SPAG16: variants seen among roughly 807,000 people sequenced by gnomAD.
The protein encoded by SPAG16 is sperm-associated antigen 16 protein.
Under a neutral mutation model 80.4 loss-of-function variants are expected in SPAG16, and 86 were observed. That is an observed-to-expected ratio of 1.07 (90% CI 0.90 to 1.28). SPAG16 has a LOEUF of 1.28. Ranked by LOEUF, SPAG16 falls within the 50% of genes most tolerant of loss-of-function variation. SPAG16 has a pLI of 0.00. For synonymous variants in SPAG16, 294 were observed against 265.9 expected, an observed-to-expected ratio of 1.11 and a Z score of -1.03; for missense variants, 870 against 765.3, an observed-to-expected ratio of 1.14 and a Z score of -1.61.
At chr2:213,749,265 G>C (rs1325526742) in intron 10 of SPAG16, among the ~76,000 whole-genome samples, 1 of 151,642 alleles carries the variant, frequency 6.6e-6, no homozygotes, top group Non-Finnish European at 1.5e-5. Flanking sequence ...ATGTTTAATG[G>C]TCATTTATAT....
intron 10 of SPAG16, among the ~76,000 whole-genome samples, chr2:213,615,407 A>T (rs930687531): frequency 6.6e-6 from 1 of 152,214 alleles, no homozygotes; most frequent in Non-Finnish European, 1.5e-5. Flanking sequence ...CCTGGCCAAG[A>T]TGGTGAGACC....
chr2:213,300,014 A>G (rs1453855578), intron 3 of SPAG16, among the ~76,000 whole-genome samples: 2 of 152,004 alleles, frequency 1.3e-5, no homozygotes, highest in Admixed American at 1.3e-4. Context: ...TTATAAGTGT[A>G]TTTTTGCCAT....
At chr2:213,529,252 T>G (rs552978232) in intron 10 of SPAG16, among the ~76,000 whole-genome samples, 1 of 152,308 alleles carries the variant, frequency 6.6e-6, no homozygotes, top group South Asian at 2.1e-4. Context: ...ATATTGCTCT[T>G]TATTTTAAAA....
chr2:213,842,899 A>G (rs192676259), intron 10 of SPAG16, among the ~76,000 whole-genome samples: 2 of 152,246 alleles, frequency 1.3e-5, no homozygotes, highest in East Asian at 3.9e-4. Context: ...CTGAGTGGCT[A>G]GGCTACAGGC....
intron 9 of SPAG16, among the ~76,000 whole-genome samples, chr2:213,432,977 C>T (rs976941253): frequency 1.3e-5 from 2 of 152,138 alleles, no homozygotes; most frequent in Non-Finnish European, 2.9e-5. Context: ...TATGGTTCAT[C>T]ACACAAACAA....
chr2:213,850,944 T>C (rs1045825083), intron 10 of SPAG16, among the ~76,000 whole-genome samples: 2 of 152,164 alleles, frequency 1.3e-5, no homozygotes, highest in Non-Finnish European at 2.9e-5. Flanking sequence ...ACATTCTTAT[T>C]AGTATATTTA....
intron 10 of SPAG16, among the ~76,000 whole-genome samples, chr2:213,825,701 C>CTTTTTTTTTTTTTTTTTTTTTTTTTT (rs55777958): frequency 1.7e-4 from 19 of 109,794 alleles, no homozygotes; most frequent in African/African-American, 4.6e-4. Context: ...TTCTTTCTTT[C>CTTTTTTTTTTTTTTTTTTTTTTTTTT]TTTTTTTTTT....
At position 214,333,561 on chromosome 2, in the gene SPAG16, C is replaced by G. The variant is rs141982386; in HGVS notation, c.1721-76579C>G. Among the ~76,000 whole-genome samples, 1,056 of 152,332 alleles carry G rather than the reference C, an allele frequency of 6.9e-3. 11 individuals are homozygous for G. Among genetic ancestry groups the G allele is most frequent in the African/African-American group, 0.024 (1,001 of 41,572 alleles). ...GAAAGGACAGCTGCCACTACCTTCC[C>G]AGTGTCATTGGTGTCCCTCTCACCG... On this transcript the variant is annotated intron_variant, in intron 15 of 15. Transcript: ENST00000331683.
At chr2:214,320,274 T>TTTTTTA (rs1696004205) in intron 15 of SPAG16, among the ~76,000 whole-genome samples, 3 of 152,242 alleles carry the variant, frequency 2.0e-5, no homozygotes, top group Non-Finnish European at 2.9e-5. Context: ...GGCACAGTCC[T>TTTTTTA]GCTCTTTTTA....
chr2:214,080,620 AAATT>A (rs1192852237), intron 13 of SPAG16, among the ~76,000 whole-genome samples: 3 of 151,404 alleles, frequency 2.0e-5, no homozygotes, highest in African/African-American at 7.3e-5. Flanking sequence ...AAAAAAAAAA[AAATT>A]AAAATAAAAT....
intron 13 of SPAG16, among the ~76,000 whole-genome samples, chr2:214,064,664 A>G (rs570973424): frequency 5.3e-5 from 8 of 152,252 alleles, no homozygotes; most frequent in African/African-American, 1.7e-4. Flanking sequence ...AAACAAATGA[A>G]CAGATTTCAG....
rs547642021 is a variant in SPAG16, at chr2:214,077,464, T to C, written c.1528-30732T>C. Reference sequence around the variant, plus strand: ...GAGTTAAAGGCCTTATTCTCAGTTTTTGGGAAAGGGCATTATTTCAGATAC... The same window carrying C: ...GAGTTAAAGGCCTTATTCTCAGTTTCTGGGAAAGGGCATTATTTCAGATAC... On this transcript the variant is annotated intron_variant, in intron 13 of 15. Transcript: ENST00000331683. Among the ~76,000 whole-genome samples the C allele has an allele frequency of 5.9e-5, 9 of 152,348 alleles. No individual in the cohort carries two copies. In the South Asian group the frequency reaches 1.9e-3, roughly 32 times the overall value.
intron 10 of SPAG16, among the ~76,000 whole-genome samples, chr2:213,733,220 GT>G (rs57605351): frequency 2.0e-5 from 3 of 149,318 alleles, no homozygotes; most frequent in African/African-American, 4.9e-5. Context: ...TAATGGGGTT[GT>G]TTTTTTTTTC....
At chr2:213,599,424 C>T (rs1464939830) in intron 10 of SPAG16, among the ~76,000 whole-genome samples, 1 of 152,220 alleles carries the variant, frequency 6.6e-6, no homozygotes, top group African/African-American at 2.4e-5. Context: ...CCTGGGACAA[C>T]ATGGCCAGTA....
At chr2:214,039,961 G>A (rs2048918650) in intron 13 of SPAG16, among the ~76,000 whole-genome samples, 1 of 152,180 alleles carries the variant, frequency 6.6e-6, no homozygotes, top group Non-Finnish European at 1.5e-5. Context: ...TACAGTCATA[G>A]GGTTGTAGAA....
At chr2:214,122,765 TGC>T (rs2054283473) in intron 14 of SPAG16, among the ~76,000 whole-genome samples, 1 of 151,920 alleles carries the variant, frequency 6.6e-6, no homozygotes, top group African/African-American at 2.4e-5. Context: ...TATTCATTAC[TGC>T]ACCAAGATGA....
At position 213,407,719 on chromosome 2, in the gene SPAG16, GAGAC is replaced by G. The variant is rs921776172; in HGVS notation, c.942+32603_942+32606del. Among the ~76,000 whole-genome samples the G allele has an allele frequency of 1.3e-4, 18 of 140,040 alleles. 1 individual carries two copies. The highest frequency in any genetic ancestry group is 2.5e-4 in the Non-Finnish European group (15 of 60,678). The allele number at this position is 140,040 out of a possible 152,430, so 91.9% of individuals were successfully genotyped here. ...GAGAGAGAGAGAGACAGAGGAAAGA[GAGAC>G]AGGAGAGAGAGAGACAGGAGAGAGG... On this transcript the variant is annotated intron_variant, in intron 9 of 15. Transcript: ENST00000331683.
chr2:213,457,025 G>T (rs185684967), intron 9 of SPAG16, among the ~76,000 whole-genome samples: 138 of 150,862 alleles, frequency 9.1e-4, no homozygotes, highest in Admixed American at 2.6e-3. Context: ...CTAAATGTTC[G>T]CATTGCATTT....
At position 213,297,239 on chromosome 2, in the gene SPAG16, CCTT is replaced by C; in HGVS notation, c.184-20_184-18del. On this transcript the variant is annotated intron_variant, in intron 2 of 15. Coordinates refer to ENST00000331683, the MANE Select transcript of SPAG16 (RefSeq NM_024532.5). ...TTATATTTCTGCTCACTCTTCCTAT[CCTT>C]CTCTTTCTCTGTGATCTAGATACCA... 6.4e-7 allele frequency: 1 copy of C among 1,568,608 alleles called. No homozygotes were observed. The highest frequency in any genetic ancestry group is 8.7e-7 in the Non-Finnish European group (1 of 1,145,870).
Sources: gnomAD v4.1 joint callset for allele counts (sites outside exome capture counted in the v4.1 genomes callset) on GRCh38, gnomAD v4.1.1 for gene constraint, MANE v1.5 for transcripts, NCBI Gene and HGNC (gene_info 2026-07-23, HGNC 2026-07-21) for gene names.